NME7: variants seen among roughly 807,000 people sequenced by gnomAD.
NME7 encodes the protein nucleoside diphosphate kinase 7.
Under a neutral mutation model 49.1 loss-of-function variants are expected in NME7, and 41 were observed. The ratio of observed to expected loss-of-function variants is 0.83; its 90% CI spans 0.65 to 1.08. The LOEUF (loss-of-function observed/expected upper bound fraction) is 1.08, where lower values mean the gene tolerates loss of function less well. NME7 is among the 50% of genes least tolerant of loss of function. NME7 has a pLI of 0.00. For synonymous variants in NME7, 139 were observed against 150.6 expected (o/e 0.92, Z 0.56); for missense variants, 423 against 463.4 (o/e 0.91, Z 0.80).
chr1:169,278,413 C>T (rs997264779), intron 7 of NME7, among the ~76,000 whole-genome samples: 1 of 152,078 alleles, frequency 6.6e-6, no homozygotes, highest in Non-Finnish European at 1.5e-5. Context: ...TCTAAACTTC[C>T]CTTCTCACTT....
intron 5 of NME7, 131 bp from the exon 6 acceptor site, chr1:169,298,894 A>G: frequency 1.2e-6 from 1 of 829,894 alleles, no homozygotes; most frequent in Non-Finnish European, 1.8e-6. Flanking sequence ...ACCATTAAGC[A>G]TAGTTAATTT....
intron 1 of NME7, among the ~76,000 whole-genome samples, chr1:169,358,245 TATTACA>T (rs57165408): frequency 0.13 from 19,953 of 151,992 alleles, 2,687 homozygotes; most frequent in East Asian, 0.78. Flanking sequence ...TTCATATGTA[TATTACA>T]GTTTATAAAT....
intron 10 of NME7, among the ~76,000 whole-genome samples, chr1:169,198,714 G>A (rs1660460084): frequency 6.6e-6 from 1 of 152,040 alleles, no homozygotes; most frequent in South Asian, 2.1e-4. Flanking sequence ...AGGGTGAGGT[G>A]GGAAGTAGGC....
At chr1:169,254,633 C>G (rs1222006155) in intron 7 of NME7, among the ~76,000 whole-genome samples, 1 of 148,214 alleles carries the variant, frequency 6.7e-6, no homozygotes, top group Non-Finnish European at 1.5e-5. Flanking sequence ...TCTTGCTTTT[C>G]TAGTTCTTTT....
At chr1:169,329,805 C>T (rs956209663) in intron 1 of NME7, among the ~76,000 whole-genome samples, 2 of 151,958 alleles carry the variant, frequency 1.3e-5, no homozygotes, top group African/African-American at 4.8e-5. Context: ...CTTCCCAAAC[C>T]TAGAGAAAGA....
At chr1:169,236,633 T>C (rs1210955786) in intron 8 of NME7, among the ~76,000 whole-genome samples, 1 of 152,098 alleles carries the variant, frequency 6.6e-6, no homozygotes, top group Admixed American at 6.6e-5. Context: ...TGGCTGACAA[T>C]TACTTTATAA....
Position 169,200,392 on chromosome 1 carries a change from A to C in NME7, c.990+30326T>G, listed in dbSNP as rs367836900. ...ATTTAGAATTGCTTGGAGCATAGCC[A>C]GTGAGGGTAAGAGACTGTGTTAAGC... is the stretch of plus-strand genomic sequence containing the variant. On this transcript the variant is annotated intron_variant, in intron 10 of 11. Transcript: ENST00000367811. Among the ~76,000 whole-genome samples, 26 of 152,276 alleles carry C rather than the reference A, an allele frequency of 1.7e-4. No homozygotes were observed. In the South Asian group the frequency reaches 5.2e-3, roughly 30 times the overall value.
chr1:169,288,773 TAAC>T (rs1301399680), intron 6 of NME7, among the ~76,000 whole-genome samples: 9 of 152,132 alleles, frequency 5.9e-5, no homozygotes, highest in Non-Finnish European at 8.8e-5. Flanking sequence ...TTTTAATCAA[TAAC>T]AACAGCAACT....
At chr1:169,348,005 C>T (rs561238517) in intron 1 of NME7, among the ~76,000 whole-genome samples, 93 of 152,276 alleles carry the variant, frequency 6.1e-4, no homozygotes, top group African/African-American at 2.1e-3. Context: ...GCATTAGCTA[C>T]AGTTGGCTAC....
At chr1:169,274,273 A>G in intron 7 of NME7, among the ~76,000 whole-genome samples, 1 of 133,674 alleles carries the variant, frequency 7.5e-6, no homozygotes, top group East Asian at 2.0e-4. Flanking sequence ...TCTTTTGAGA[A>G]GTGTCTGTTC....
chr1:169,178,950 A>G (rs1458152072), intron 10 of NME7, among the ~76,000 whole-genome samples: 1 of 151,394 alleles, frequency 6.6e-6, no homozygotes, highest in Non-Finnish European at 1.5e-5. Flanking sequence ...TCTCCTGAGT[A>G]GCTGGGATTA....
chr1:169,252,701 C>T (rs973859686), intron 7 of NME7, among the ~76,000 whole-genome samples: 1 of 151,218 alleles, frequency 6.6e-6, no homozygotes, highest in Non-Finnish European at 1.5e-5. Context: ...TTAGGTCTAA[C>T]GTTTAAGTCT....
At chr1:169,280,216 A>G (rs1158186532) in intron 7 of NME7, among the ~76,000 whole-genome samples, 1 of 152,186 alleles carries the variant, frequency 6.6e-6, no homozygotes, top group Non-Finnish European at 1.5e-5. Context: ...ATGACCAGGG[A>G]TGAGGAGCAT....
intron 11 of NME7, among the ~76,000 whole-genome samples, chr1:169,152,584 A>G (rs1272218420): frequency 1.3e-5 from 2 of 152,230 alleles, no homozygotes; most frequent in Non-Finnish European, 2.9e-5. Flanking sequence ...TGAGGAATGA[A>G]CAAAACACAC....
At chr1:169,294,366 G>A (rs1193791273) in intron 6 of NME7, among the ~76,000 whole-genome samples, 1 of 152,114 alleles carries the variant, frequency 6.6e-6, no homozygotes, top group Non-Finnish European at 1.5e-5. Context: ...CAGGAATGAT[G>A]AAAATAATGC....
At chr1:169,191,612 A>G (rs1386321552) in intron 10 of NME7, among the ~76,000 whole-genome samples, 8 of 152,192 alleles carry the variant, frequency 5.3e-5, no homozygotes, top group Non-Finnish European at 1.0e-4. Flanking sequence ...AGTAGAAGTT[A>G]TTCACGTATA....
At chr1:169,168,500 T>C (rs1276439189) in intron 11 of NME7, among the ~76,000 whole-genome samples, 1 of 152,150 alleles carries the variant, frequency 6.6e-6, no homozygotes, top group Admixed American at 6.6e-5. Context: ...AATGCAATCA[T>C]AGCATACTGT....
chr1:169,197,818 A>C (rs1020218755), intron 10 of NME7, among the ~76,000 whole-genome samples: 2 of 152,116 alleles, frequency 1.3e-5, no homozygotes, highest in African/African-American at 4.8e-5. Context: ...GGATTCTCAG[A>C]TATGACACCA....
intron 4 of NME7, among the ~76,000 whole-genome samples, chr1:169,309,206 T>C (rs1469391046): frequency 6.6e-6 from 1 of 152,190 alleles, no homozygotes; most frequent in African/African-American, 2.4e-5. Context: ...CTTATTGTTC[T>C]TTTCTTTCTT....
Sources: allele counts gnomAD v4.1 joint callset (sites outside exome capture counted in the v4.1 genomes callset), GRCh38; gene constraint gnomAD v4.1.1; transcripts MANE v1.5; gene names NCBI Gene and HGNC (gene_info 2026-07-23, HGNC 2026-07-21).